Variants in MTOR observed in about 807,000 individuals in gnomAD.
MTOR encodes serine/threonine-protein kinase mTOR.
MTOR carries 70 observed loss-of-function variants against 319.8 expected under a neutral mutation model. That is an observed-to-expected ratio of 0.22 (90% confidence interval 0.18 to 0.27). The LOEUF is 0.27. Among genes scored for constraint, MTOR ranks in the 10% least tolerant of loss-of-function variants. The pLI is 1.00. For synonymous variants in MTOR, 1,183 were observed against 1,211.4 expected (o/e 0.98, Z 0.49); for missense variants, 1,890 against 3,274.4 (o/e 0.58, Z 10.32).
chr1:11,213,057 C>A, intron 21 of MTOR, 149 bp from the exon 22 acceptor site: 1 of 623,322 alleles, frequency 1.6e-6, no homozygotes, highest in East Asian at 2.8e-5. Flanking sequence ...CTTTTGATAG[C>A]ACTTTCTTCC....
intron 29 of MTOR, among the ~76,000 whole-genome samples, chr1:11,166,805 T>C (rs1016136626): frequency 7.9e-5 from 12 of 152,240 alleles, no homozygotes; most frequent in East Asian, 1.9e-4. Flanking sequence ...ATGAGGTTTA[T>C]TGCGGCACTA....
intron 28 of MTOR, chr1:11,192,328 T>G (rs1270411550): frequency 6.2e-7 from 1 of 1,614,106 alleles, no homozygotes; most frequent in Non-Finnish European, 8.5e-7. Flanking sequence ...CTGGAGTGTA[T>G]AAGCTTCCTC....
At chr1:11,211,298 T>C (rs1178806757) in intron 23 of MTOR, among the ~76,000 whole-genome samples, 3 of 152,224 alleles carry the variant, frequency 2.0e-5, no homozygotes, top group Non-Finnish European at 4.4e-5. Flanking sequence ...CATATTTTAG[T>C]GGGCGTCAGA....
rs765729241 is a variant in MTOR, at chr1:11,139,340, A to G, written c.5094T>C (p.Tyr1698=). The G allele has an allele frequency of 5.6e-6, 9 of 1,612,246 alleles. No homozygotes were observed. The East Asian group carries it at 2.0e-4, about 36-fold the overall frequency. The change falls in exon 36 of 58, where the codon TAT becomes TAC. Residue 1698 remains tyrosine, a synonymous_variant. Transcript: ENST00000361445. ...PLPTVHPQVT[Y]AYMKNMWKSA... ...TCTTCCACATGTTTTTCATGTAGGC[A>G]TAGGTCACCTGAGGGTGAACTGTTG...
At chr1:11,246,746 G>T (rs1648884309) in intron 8 of MTOR, among the ~76,000 whole-genome samples, 1 of 152,330 alleles carries the variant, frequency 6.6e-6, no homozygotes, top group South Asian at 2.1e-4. Flanking sequence ...GGTAAAGTGG[G>T]AAGAGATGTT....
intron 25 of MTOR, 51 bp from the exon 26 acceptor site, chr1:11,204,754 G>GA: frequency 7.0e-6 from 11 of 1,566,430 alleles, no homozygotes; most frequent in South Asian, 1.2e-5. Context: ...AGGGCCAATT[G>GA]AAAAAAGTCC....
Position 11,133,302 on chromosome 1 carries a change from C to T in MTOR, c.5247-105G>A, listed in dbSNP as rs1643250197. 2.0e-6 allele frequency: 2 copies of T among 1,020,694 alleles called. No individual in the cohort carries two copies. The highest frequency in any genetic ancestry group is 3.9e-5 in the Admixed American group (2 of 51,014). 63.2% of individuals were successfully genotyped at this position (1,020,694 alleles called of 1,614,324 possible). On this transcript the variant is annotated intron_variant, in intron 37 of 57. Transcript: ENST00000361445. This position sits in a 1 kb window ranked among gnomAD's most constrained non-coding sequence, Gnocchi z 4.0. ...CACTGAAGCCCTTCTGGTATTTCCT[C>T]TTATTCTCAAGAGGCAATGTGAAGG...
Position 11,121,130 on chromosome 1 carries a change from C to T in MTOR, c.6933+116G>A, listed in dbSNP as rs1044879315. On this transcript the variant is annotated intron_variant, in intron 49 of 57. Transcript: ENST00000361445. The surrounding 1 kb of genome is among the most constrained non-coding windows in gnomAD (Gnocchi z 4.9). ...TTTGTTAGAAAAGTCTGGACACGCT[C>T]TACAGCCAATCACAGCAAAGAAGAG... 2.6e-5 allele frequency: 37 copies of T among 1,427,364 alleles called. No individual in the cohort carries two copies. In the African/African-American group the frequency reaches 5.2e-4, roughly 20 times the overall value. The allele number at this position is 1,427,364 out of a possible 1,614,324, so 88.4% of individuals were successfully genotyped here.
chr1:11,192,491 C>T, intron 28 of MTOR: 1 of 797,902 alleles, frequency 1.3e-6, no homozygotes, highest in Non-Finnish European at 2.1e-6. Flanking sequence ...CGCAGTGGCT[C>T]ACACCTGTAA....
rs1320182372 is a variant in MTOR, at chr1:11,129,531, TCTC to T, written c.5714+204_5714+206del. On this transcript the variant is annotated intron_variant, in intron 40 of 57. Transcript: ENST00000361445. This position sits in a 1 kb window ranked among gnomAD's most constrained non-coding sequence, Gnocchi z 4.7. ...ACACATGGAGAGTTCTCACTCCACT[TCTC>T]CTCCTCACTCTCTGTAGGTTTCACC... Among the ~76,000 whole-genome samples the T allele has an allele frequency of 2.0e-5, 3 of 152,198 alleles. No individual in the cohort carries two copies. The highest frequency in any genetic ancestry group is 2.1e-4 in the South Asian group (1 of 4,828).
At chr1:11,219,046 C>T (rs1273809991) in intron 19 of MTOR, among the ~76,000 whole-genome samples, 1 of 151,790 alleles carries the variant, frequency 6.6e-6, no homozygotes, top group African/African-American at 2.4e-5. Flanking sequence ...TTGTCTCTAC[C>T]AGAAGTACAA....
At chr1:11,120,748 T>C (rs897252220) in intron 49 of MTOR, among the ~76,000 whole-genome samples, 3 of 152,194 alleles carry the variant, frequency 2.0e-5, no homozygotes, top group African/African-American at 7.2e-5. Context: ...TAATACCTAA[T>C]ACAATGTGAA....
At position 11,251,655 on chromosome 1, in the gene MTOR, C is replaced by CTTTTTTTTT. The variant is rs761523542; in HGVS notation, c.840+2175_840+2183dup. Reference sequence around the variant, plus strand: ...TTAATACCTTATATTTAGATAGTTTCTTTTTTTTTTTTTTTTTTTAGTGAC... The same window carrying CTTTTTTTTT: ...TTAATACCTTATATTTAGATAGTTTCTTTTTTTTTTTTTTTTTTTTTTTTTTTTAGTGAC... On this transcript the variant is annotated intron_variant, in intron 6 of 57. Transcript: ENST00000361445. 7.7e-3 allele frequency among the ~76,000 whole-genome samples: 877 copies of CTTTTTTTTT among 113,614 alleles called. 20 individuals carry two copies. Among genetic ancestry groups the CTTTTTTTTT allele is most frequent in the African/African-American group, 0.026 (823 of 31,118 alleles). The allele number at this position is 113,614 out of a possible 152,430, so 74.5% of individuals were successfully genotyped here.
At chr1:11,186,102 A>G (rs1645311586) in intron 28 of MTOR, among the ~76,000 whole-genome samples, 1 of 151,752 alleles carries the variant, frequency 6.6e-6, no homozygotes, top group Non-Finnish European at 1.5e-5. Flanking sequence ...AAAAAAAAAA[A>G]AAAGGCAGAT....
intron 8 of MTOR, among the ~76,000 whole-genome samples, chr1:11,246,295 G>C (rs1232985651): frequency 6.6e-6 from 1 of 152,204 alleles, no homozygotes; most frequent in South Asian, 2.1e-4. Context: ...TAACTTACAA[G>C]GGTAATGTGC....
intron 25 of MTOR, among the ~76,000 whole-genome samples, chr1:11,208,368 C>A (rs904009975): frequency 1.3e-5 from 2 of 152,248 alleles, no homozygotes; most frequent in African/African-American, 2.4e-5. Flanking sequence ...AGTAATAAAC[C>A]CCCAGTGCTC....
At chr1:11,139,773 C>T in intron 34 of MTOR, 115 bp from the exon 35 acceptor site, 1 of 1,288,454 alleles carries the variant, frequency 7.8e-7, no homozygotes, top group Non-Finnish European at 1.1e-6. Flanking sequence ...CTCACTGCAA[C>T]CTCTGCCTCC....
intron 52 of MTOR, 105 bp downstream of exon 52, chr1:11,114,706 TCA>T: frequency 8.1e-7 from 1 of 1,231,852 alleles, no homozygotes; most frequent in Non-Finnish European, 1.2e-6. Flanking sequence ...GCTACAAAAA[TCA>T]CAAAGGCACT....
rs1272825701 is a variant in MTOR at position 11,238,553 on chromosome 1, C to T, written c.1851G>A (p.Glu617=). ...ADHFLNSEHK[E]IRMEAARTCS... ...AGGTGCGGGCAGCCTCCATGCGGAT[C>T]TCCTTGTGCTCACTGTTCAGGAAAT... Residue 617 remains glutamate (E), a synonymous_variant, in exon 12 of 58, where the codon GAG becomes GAA. Coordinates refer to ENST00000361445, the MANE Select transcript of MTOR (RefSeq NM_004958.4). 8 of 1,614,208 alleles carry T rather than the reference C, an allele frequency of 5.0e-6. No homozygotes were observed. Among genetic ancestry groups the T allele is most frequent in the Non-Finnish European group, 6.8e-6 (8 of 1,180,028 alleles).
Sources: allele counts gnomAD v4.1 joint callset (sites outside exome capture counted in the v4.1 genomes callset), GRCh38; gene constraint gnomAD v4.1.1; non-coding constraint Gnocchi (gnomAD v3.1); transcripts MANE v1.5; gene names NCBI Gene and HGNC (gene_info 2026-07-23, HGNC 2026-07-21).